The following C10orf143 variants were observed in gnomAD, a reference collection of about 807,000 sequenced individuals.
C10orf143 encodes the protein chromosome 10 open reading frame 143.
downstream of C10orf143, among the ~76,000 whole-genome samples, chr10:130,062,145 A>C (rs569595749): frequency 8.9e-4 from 135 of 152,304 alleles, 1 homozygote; most frequent in African/African-American, 3.1e-3. Context: ...AAATGGCTGA[A>C]AACACCAAGA....
At chr10:130,041,872 T>C (rs1480262826) in intron 3 of C10orf143, among the ~76,000 whole-genome samples, 1 of 151,804 alleles carries the variant, frequency 6.6e-6, no homozygotes, top group African/African-American at 2.4e-5. Context: ...TACTCTCACA[T>C]GAACACGTGT....
intron 1 of C10orf143, among the ~76,000 whole-genome samples, chr10:130,094,613 C>T (rs1028993183): frequency 6.6e-6 from 1 of 152,114 alleles, no homozygotes; most frequent in Non-Finnish European, 1.5e-5. Flanking sequence ...TAAGCAGAAC[C>T]AATGACAAAA....
intron 3 of C10orf143, among the ~76,000 whole-genome samples, chr10:130,046,535 G>A (rs187720155): frequency 4.8e-4 from 73 of 152,350 alleles, no homozygotes; most frequent in African/African-American, 1.7e-3. Context: ...ACCGAAGTGT[G>A]TTTTCCCCGA....
At chr10:130,099,589 T>A (rs981249744) in intron 1 of C10orf143, among the ~76,000 whole-genome samples, 2 of 152,004 alleles carry the variant, frequency 1.3e-5, no homozygotes, top group African/African-American at 4.8e-5. Flanking sequence ...CAGGCTAGAG[T>A]GCAGAGGCAT....
chr10:130,102,990 TA>T (rs57106676), intron 1 of C10orf143, among the ~76,000 whole-genome samples: 91,797 of 147,418 alleles, frequency 0.62, 28,799 homozygotes, highest in Admixed American at 0.71. Flanking sequence ...TTTTTTTTTT[TA>T]AAAGATTGTG....
At chr10:130,093,843 T>C (rs1754028435) in intron 1 of C10orf143, among the ~76,000 whole-genome samples, 1 of 151,908 alleles carries the variant, frequency 6.6e-6, no homozygotes, top group Admixed American at 6.6e-5. Flanking sequence ...ACCCCATCTC[T>C]ACTAAAAATA....
intron 1 of C10orf143, among the ~76,000 whole-genome samples, chr10:130,097,368 A>G (rs1390564543): frequency 6.6e-6 from 1 of 152,116 alleles, no homozygotes; most frequent in East Asian, 1.9e-4. Context: ...CCTGGGCAAC[A>G]TAGCAAGACT....
chr10:130,064,436 A>G, intron 3 of C10orf143, 53 bp from the exon 4 acceptor site: 1 of 398,524 alleles, frequency 2.5e-6, no homozygotes, highest in Non-Finnish European at 4.4e-6. Flanking sequence ...GGCCAAATTA[A>G]TACACCTTGG....
intron 4 of C10orf143, among the ~76,000 whole-genome samples, chr10:130,035,542 G>A (rs1860535527): frequency 6.6e-6 from 1 of 152,200 alleles, no homozygotes; most frequent in Non-Finnish European, 1.5e-5. Context: ...TGGCCCCTAT[G>A]TTGTGGGGCA....
chr10:130,102,450 T>C (rs1365240403), intron 1 of C10orf143, among the ~76,000 whole-genome samples: 1 of 152,074 alleles, frequency 6.6e-6, no homozygotes. Flanking sequence ...TTTTTTGTAT[T>C]CTTAGTAGAG....
intron 3 of C10orf143, chr10:130,067,669 G>A (rs1290432268): frequency 2.6e-5 from 4 of 152,196 alleles, no homozygotes; most frequent in Non-Finnish European, 5.9e-5. Flanking sequence ...AAGGCCTACA[G>A]TAAAAGCTTG....
intron 3 of C10orf143, among the ~76,000 whole-genome samples, chr10:130,074,360 A>T (rs1333366910): frequency 6.6e-6 from 1 of 152,178 alleles, no homozygotes; most frequent in East Asian, 1.9e-4. Context: ...ATTCTTACAG[A>T]ATGATCAATG....
chr10:130,100,057 C>T (rs1163012731), intron 1 of C10orf143, among the ~76,000 whole-genome samples: 3 of 150,662 alleles, frequency 2.0e-5, no homozygotes, highest in Non-Finnish European at 4.4e-5. Flanking sequence ...AGGCTAGTCT[C>T]GAACTCCTGA....
chr10:130,045,432 C>T (rs1349781371), intron 3 of C10orf143, among the ~76,000 whole-genome samples: 2 of 152,244 alleles, frequency 1.3e-5, no homozygotes, highest in African/African-American at 4.8e-5. Context: ...CCATACAGCC[C>T]CAACTCTGCT....
intron 3 of C10orf143, among the ~76,000 whole-genome samples, chr10:130,044,685 A>G (rs1466188008): frequency 6.6e-6 from 1 of 152,128 alleles, no homozygotes; most frequent in African/African-American, 2.4e-5. Flanking sequence ...GGTGCGTGCA[A>G]GTTGCCAGCA....
chr10:130,105,872 G>A (rs1861633959), intron 1 of C10orf143, among the ~76,000 whole-genome samples: 1 of 152,236 alleles, frequency 6.6e-6, no homozygotes, highest in Admixed American at 6.5e-5. Context: ...GGGCTGGGTG[G>A]GCAGAGTGGG....
At chr10:130,044,445 C>T (rs1384712635) in intron 3 of C10orf143, among the ~76,000 whole-genome samples, 2 of 152,200 alleles carry the variant, frequency 1.3e-5, no homozygotes, top group Non-Finnish European at 2.9e-5. Context: ...CTTCCTTCCA[C>T]ATCTACCTGC....
At chr10:130,068,974 G>A (rs903344850) in intron 3 of C10orf143, among the ~76,000 whole-genome samples, 1 of 152,186 alleles carries the variant, frequency 6.6e-6, no homozygotes, top group African/African-American at 2.4e-5. Context: ...AGAAAGGGCA[G>A]AAAGAGTATT....
At chr10:130,039,314 G>A (rs943083673) in intron 3 of C10orf143, among the ~76,000 whole-genome samples, 4 of 152,176 alleles carry the variant, frequency 2.6e-5, no homozygotes, top group East Asian at 1.9e-4. Context: ...GCCGGAGGCC[G>A]AGGACCACCG....
Sources: allele counts gnomAD v4.1 joint callset (sites outside exome capture counted in the v4.1 genomes callset), GRCh38; gene constraint gnomAD v4.1.1; transcripts MANE v1.5; gene names NCBI Gene and HGNC (gene_info 2026-07-23, HGNC 2026-07-21).